The following MYBBP1A variants were observed in gnomAD, a reference collection of about 807,000 sequenced individuals.
The protein encoded by MYBBP1A is MYB binding protein 1a.
Under a neutral mutation model 136.3 loss-of-function variants are expected in MYBBP1A, and 147 were observed. The ratio of observed to expected loss-of-function variants is 1.08; its 90% confidence interval spans 0.94 to 1.24. MYBBP1A has a LOEUF of 1.24. Ranked by LOEUF, MYBBP1A falls within the 50% of genes most tolerant of loss-of-function variation. MYBBP1A has a pLI of 0.00. For synonymous variants in MYBBP1A, 947 were observed against 735.8 expected (o/e 1.29, Z -4.65); for missense variants, 2,060 against 1,727.4 (o/e 1.19, Z -3.41).
rs540511926 is a variant in MYBBP1A, at chr17:4,552,970, C to T, written c.562-344G>A. ...TGCCTCAGGTGGGATTAAAGGTGTG[C>T]GCCATCACACCCAGCTAATTTTTGT... On this transcript the variant is annotated intron_variant, in intron 5 of 25. Transcript: ENST00000254718. The surrounding 1 kb of genome is among the most constrained non-coding windows in gnomAD (Gnocchi z 4.7). Among the ~76,000 whole-genome samples the T allele has an allele frequency of 4.9e-4, 74 of 152,062 alleles. No homozygotes were observed. The highest frequency in any genetic ancestry group is 1.7e-3 in the African/African-American group (69 of 41,456).
In MYBBP1A at chr17:4,539,258, C is replaced by T. The variant is rs1450589672; in HGVS notation, c.*157G>A. 1.3e-6 allele frequency: 2 copies of T among 1,487,726 alleles called. No homozygotes were observed. The highest frequency in any genetic ancestry group is 1.8e-6 in the Non-Finnish European group (2 of 1,130,680). 92.2% of individuals were successfully genotyped at this position (1,487,726 alleles called of 1,614,324 possible). On this transcript the variant is annotated 3_prime_UTR_variant, in exon 26 of 26. Transcript: ENST00000254718. ...CAGGAATGGCTCAGGCTGTGCTTGCCAGAGCAGGATGCCCGGGCAGGCGGC... is the reference window on the plus strand; with the variant it reads ...CAGGAATGGCTCAGGCTGTGCTTGCTAGAGCAGGATGCCCGGGCAGGCGGC...
intron 25 of MYBBP1A, 127 bp downstream of exon 25, chr17:4,540,221 T>TGTGTGCAGCAGCATGCGTGTGCAGTGTGC (rs1419509629): frequency 7.6e-7 from 1 of 1,318,868 alleles, no homozygotes; most frequent in Non-Finnish European, 1.0e-6. Context: ...TGAGTGCATG[T>TGTGTGCAGCAGCATGCGTGTGCAGTGTGC]GTGTGCAGCA....
rs1907817300 is a variant in MYBBP1A at position 4,554,235 on chromosome 17, T to G, written c.338A>C (p.Gln113Pro). The change falls in exon 3 of 26, where the codon CAG becomes CCG. Residue 113 changes from glutamine (Q) to proline (P), a missense_variant. By Grantham distance (76) the Gln-to-Pro change is moderately conservative. Coordinates refer to ENST00000254718, the MANE Select transcript of MYBBP1A (RefSeq NM_014520.4). ...CAGGTCATATTTTTCTTGTATCTGC[T>G]GCAGGATGCTGCACAAGGGGAGGTC... ...FEDLPLCSILQQIQEKYDLHQ... is the reference protein window; with the variant it reads ...FEDLPLCSILPQIQEKYDLHQ... 1 of 1,614,078 alleles carries G rather than the reference T, an allele frequency of 6.2e-7. No individual in the cohort carries two copies. Among genetic ancestry groups the G allele is most frequent in the Non-Finnish European group, 8.5e-7 (1 of 1,180,026 alleles).
At position 4,552,266 on chromosome 17, in the gene MYBBP1A, G is replaced by A; in HGVS notation, c.764C>T (p.Ala255Val). ...PRLVNVLKMA[A>V]SSVKKDRKLP... The stretch of plus-strand genomic sequence containing the variant: ...CTTGCGGTCCTTCTTCACAGAGGAG[G>A]CGGCCATCTTCAGCACATTCACCAG... The change falls in exon 7 of 26, where the codon GCC (alanine) becomes GTC (valine). Residue 255 changes from alanine (A) to valine (V), a missense_variant. Transcript: ENST00000254718. The surrounding 1 kb of genome is among the most constrained non-coding windows in gnomAD (Gnocchi z 4.7). 6.2e-7 allele frequency: 1 copy of A among 1,614,148 alleles called. No homozygotes were observed. Among genetic ancestry groups the A allele is most frequent in the South Asian group, 1.1e-5 (1 of 91,090 alleles).
rs745852060 is a variant in MYBBP1A at position 4,539,027 on chromosome 17, T to TTTAAATCACCCCC, written c.*375_*387dup. ...TCTTGTAAATGAAGAAATAAACCTA[T>TTTAAATCACCCCC]TTAAATCACCCCCTGGTGGCTCCCT... On this transcript the variant is annotated 3_prime_UTR_variant, in exon 26 of 26. Transcript: ENST00000254718. 5 of 871,146 alleles carry TTTAAATCACCCCC rather than the reference T, an allele frequency of 5.7e-6. No individual in the cohort carries two copies. The highest frequency in any genetic ancestry group is 1.0e-5 in the Non-Finnish European group (5 of 501,998). The allele number at this position is 871,146 out of a possible 1,614,324, so 54.0% of individuals were successfully genotyped here. A position where few individuals can be genotyped will look rare whatever the true frequency, so the allele number is the denominator to read the frequency against.
In MYBBP1A at chr17:4,548,546, C is replaced by T. The variant is rs145991967; in HGVS notation, c.1534G>A (p.Ala512Thr). The T allele has an allele frequency of 7.4e-6, 12 of 1,614,054 alleles. No individual in the cohort carries two copies. The highest frequency in any genetic ancestry group is 2.2e-5 in the East Asian group (1 of 44,894). Residue 512 changes from alanine to threonine, a missense_variant, in exon 11 of 26, where the codon GCT (alanine) becomes ACT (threonine). Physicochemically the swap from Ala to Thr is moderately conservative, Grantham distance 58. Coordinates refer to ENST00000254718, the MANE Select transcript of MYBBP1A (RefSeq NM_014520.4). The surrounding 1 kb of genome is among the most constrained non-coding windows in gnomAD (Gnocchi z 4.2). Reference sequence around the variant, plus strand: ...CACCTGAAGAAGGCACTGCTGACAGCCTCTCGGGCCTGGTTTTCCAAAGGG... The same window carrying T: ...CACCTGAAGAAGGCACTGCTGACAGTCTCTCGGGCCTGGTTTTCCAAAGGG... ...SFPLENQARE[A>T]VSSAFFSLLQ...
intron 24 of MYBBP1A, 116 bp downstream of exon 24, chr17:4,541,347 T>G: frequency 1.1e-6 from 1 of 915,264 alleles, no homozygotes; most frequent in South Asian, 1.4e-5. Context: ...ACTGAGAAGT[T>G]TCCCCACATG....
intron 10 of MYBBP1A, among the ~76,000 whole-genome samples, chr17:4,549,049 G>A (rs1243900757): frequency 6.6e-6 from 1 of 152,246 alleles, no homozygotes; most frequent in African/African-American, 2.4e-5. Flanking sequence ...AGACGAGGCA[G>A]GTGTGGGGCA....
intron 8 of MYBBP1A, among the ~76,000 whole-genome samples, chr17:4,550,692 C>T (rs1907434293): frequency 6.6e-6 from 1 of 152,388 alleles, no homozygotes; most frequent in Admixed American, 6.5e-5. Flanking sequence ...GGCCTGTTTT[C>T]CTGGCTCAAC....
At chr17:4,543,228 G>T (rs569800701) in intron 19 of MYBBP1A, 63 bp from the exon 20 acceptor site, 1 of 1,513,446 alleles carries the variant, frequency 6.6e-7, no homozygotes, top group Non-Finnish European at 8.8e-7. Context: ...CCGCCAAGCA[G>T]AGCCAACCCA....
At chr17:4,544,669 G>T in intron 18 of MYBBP1A, 23 bp from the exon 19 acceptor site, 1 of 1,479,230 alleles carries the variant, frequency 6.8e-7, no homozygotes. Flanking sequence ...GGGCAGGTCA[G>T]CAACACGGGG....
rs372917698 is a variant in MYBBP1A at position 4,540,345 on chromosome 17, T to C, written c.3434+3A>G. On this transcript the variant is annotated splice_donor_region_variant and intron_variant, in intron 25 of 25. Transcript: ENST00000254718. ...AGGTGTGTGTCCCCCTCCCAGAACC[T>C]ACTGGACTCCCAGGGTTTTCATGGC... The C allele has an allele frequency of 2.5e-6, 4 of 1,604,200 alleles. No individual in the cohort carries two copies. In the African/African-American group the frequency reaches 5.3e-5, roughly 21 times the overall value.
At position 4,548,043 on chromosome 17, in the gene MYBBP1A, A is replaced by G. The variant is rs1274956709; in HGVS notation, c.1739T>C (p.Leu580Pro). ...RQAWDRMLQT[L>P]KELEAHSAEA... is the part of the protein sequence containing the mutation. ...TGCGGAGTGGGCCTCCAGCTCCTTC[A>G]GAGTCTGCAGCATCCTGCGGGGAGA... Residue 580 changes from leucine to proline, a missense_variant, in exon 13 of 26, where the codon CTG becomes CCG. Transcript: ENST00000254718. The surrounding 1 kb of genome is among the most constrained non-coding windows in gnomAD (Gnocchi z 4.2). 1.3e-6 allele frequency: 2 copies of G among 1,568,408 alleles called. No homozygotes were observed. Among genetic ancestry groups the G allele is most frequent in the Non-Finnish European group, 1.7e-6 (2 of 1,157,770 alleles).
In MYBBP1A at chr17:4,548,222, C is replaced by G; in HGVS notation, c.1645G>C (p.Ala549Pro). ...TGGCTGTGATTCAACAGGAGGTCTGCGAACTGCACCAGGTGGTAGGTCCAG... is the reference window on the plus strand; with the variant it reads ...TGGCTGTGATTCAACAGGAGGTCTGGGAACTGCACCAGGTGGTAGGTCCAG... ...QPWTYHLVQF[A>P]DLLLNHSHNV... The change falls in exon 12 of 26, where the codon GCA (alanine) becomes CCA (proline). Residue 549 changes from alanine to proline, a missense_variant. Ala to Pro is a conservative substitution (Grantham distance 27). Transcript: ENST00000254718. The surrounding 1 kb of genome is among the most constrained non-coding windows in gnomAD (Gnocchi z 4.2). 1 of 1,610,368 alleles carries G rather than the reference C, an allele frequency of 6.2e-7. No homozygotes were observed. Among genetic ancestry groups the G allele is most frequent in the Non-Finnish European group, 8.5e-7 (1 of 1,179,948 alleles).
rs1907601502 is a variant in MYBBP1A at position 4,552,382 on chromosome 17, C to T, written c.737+69G>A. ...GCCGGGACACCCCCAGGCCAAACGA[C>T]AAATCTGGGCCTGGCCAGATGCAGT... On this transcript the variant is annotated intron_variant, in intron 6 of 25. Coordinates refer to ENST00000254718, the MANE Select transcript of MYBBP1A (RefSeq NM_014520.4). The surrounding 1 kb of genome is among the most constrained non-coding windows in gnomAD (Gnocchi z 4.7). 1 of 1,602,722 alleles carries T rather than the reference C, an allele frequency of 6.2e-7. No homozygotes were observed. The highest frequency in any genetic ancestry group is 1.1e-5 in the South Asian group (1 of 90,194).
Position 4,539,412 on chromosome 17 carries a change from T to TG in MYBBP1A, c.*2dup, listed in dbSNP as rs760063374. On this transcript the variant is annotated 3_prime_UTR_variant, in exon 26 of 26. Coordinates refer to ENST00000254718, the MANE Select transcript of MYBBP1A (RefSeq NM_014520.4). ...AGGGGCTGAGGGGGGCCCGTACCTG[T>TG]GCTCAGGGCTTCCCTGCCTTCCTCA... is the stretch of plus-strand genomic sequence containing the variant. 105 of 1,605,470 alleles carry TG rather than the reference T, an allele frequency of 6.5e-5. No homozygotes were observed. The South Asian group carries it at 1.1e-3, about 17-fold the overall frequency.
chr17:4,548,167 G>T lies in MYBBP1A; in HGVS notation c.1700C>A (p.Ala567Glu). 2 of 1,605,238 alleles carry T rather than the reference G, an allele frequency of 1.2e-6. No homozygotes were observed. Among genetic ancestry groups the T allele is most frequent in the East Asian group, 4.5e-5 (2 of 44,878 alleles). ...HNVTTVTPFTAQQRQAWDRML... is the reference protein window; with the variant it reads ...HNVTTVTPFTEQQRQAWDRML... ...CCGGTCCCAGGCCTGGCGCTGCTGC[G>T]CAGTGAAGGGTGTCACGGTGGTCAC... The change falls in exon 12 of 26, where the codon GCG becomes GAG. Residue 567 changes from alanine (A) to glutamate (E), a missense_variant. Ala to Glu is a moderately radical substitution (Grantham distance 107, BLOSUM62 -1). Transcript: ENST00000254718. This position sits in a 1 kb window ranked among gnomAD's most constrained non-coding sequence, Gnocchi z 4.2.
Position 4,538,927 on chromosome 17 carries a change from C to A in MYBBP1A, c.*488G>T. On this transcript the variant is annotated 3_prime_UTR_variant, in exon 26 of 26. Coordinates refer to ENST00000254718, the MANE Select transcript of MYBBP1A (RefSeq NM_014520.4). Reference sequence around the variant, plus strand: ...TGTTGCCTCCTCTTCCTTCCGGAAGCCAAACTGCTCCTTTATTTTTTAGAG... The same window carrying A: ...TGTTGCCTCCTCTTCCTTCCGGAAGACAAACTGCTCCTTTATTTTTTAGAG... The A allele has an allele frequency of 1.3e-6, 1 of 782,778 alleles. No individual in the cohort carries two copies. The allele number at this position is 782,778 out of a possible 1,614,324, so 48.5% of individuals were successfully genotyped here. A position where few individuals can be genotyped will look rare whatever the true frequency, so the allele number is the denominator to read the frequency against.
At chr17:4,549,489 G>A (rs200954335) in intron 9 of MYBBP1A, 47 bp from the exon 10 acceptor site, 2 of 1,557,490 alleles carry the variant, frequency 1.3e-6, no homozygotes, top group Non-Finnish European at 1.8e-6. Context: ...ATAACTGGCA[G>A]AAACAGGCTG....
Sources: gnomAD v4.1 joint callset for allele counts (sites outside exome capture counted in the v4.1 genomes callset) on GRCh38, gnomAD v4.1.1 for gene constraint, Gnocchi (gnomAD v3.1) non-coding constraint, MANE v1.5 for transcripts, NCBI Gene and HGNC (gene_info 2026-07-23, HGNC 2026-07-21) for gene names.